SORCS1: variants seen among roughly 807,000 people sequenced by gnomAD.
The protein encoded by SORCS1 is VPS10 domain-containing receptor SorCS1.
SORCS1 carries 60 observed loss-of-function variants against 146.1 expected under a neutral mutation model. That is an observed-to-expected ratio of 0.41 (90% CI 0.33 to 0.51). SORCS1 has a LOEUF of 0.51. Ranked by LOEUF, SORCS1 falls within the 20% of genes least tolerant of loss-of-function variation. The pLI, the probability that SORCS1 is intolerant of heterozygous loss-of-function variation, is 0.21. For synonymous variants in SORCS1, 637 were observed against 584.0 expected, an observed-to-expected ratio of 1.09 and a Z score of -1.31; for missense variants, 1,352 against 1,487.6, an observed-to-expected ratio of 0.91 and a Z score of 1.50.
At chr10:106,945,072 G>A (rs983406368) in intron 2 of SORCS1, among the ~76,000 whole-genome samples, 1 of 151,618 alleles carries the variant, frequency 6.6e-6, no homozygotes, top group East Asian at 1.9e-4. Flanking sequence ...ATTTTTAGTA[G>A]AGACAAGGTT....
At chr10:106,990,561 C>A (rs1233584008) in intron 1 of SORCS1, among the ~76,000 whole-genome samples, 1 of 152,236 alleles carries the variant, frequency 6.6e-6, no homozygotes, top group Non-Finnish European at 1.5e-5. Context: ...TGAGCCACCA[C>A]ACCCAGCCAA....
chr10:106,866,244 C>A (rs1950218129), intron 2 of SORCS1, among the ~76,000 whole-genome samples: 3 of 152,038 alleles, frequency 2.0e-5, no homozygotes, highest in Admixed American at 2.0e-4. Context: ...ACCCTAAGTG[C>A]CTTATCCACA....
intron 1 of SORCS1, among the ~76,000 whole-genome samples, chr10:107,132,020 A>C (rs1238400006): frequency 6.6e-6 from 1 of 152,248 alleles, no homozygotes; most frequent in African/African-American, 2.4e-5. Flanking sequence ...GAAAGTAGCA[A>C]AGTAAAACCT....
chr10:106,735,088 G>A (rs886126837), intron 5 of SORCS1, among the ~76,000 whole-genome samples: 2 of 150,726 alleles, frequency 1.3e-5, no homozygotes, highest in African/African-American at 2.4e-5. Context: ...GGAGGTTGCA[G>A]TGAGCCGAGA....
chr10:107,106,755 G>A (rs550658757), intron 1 of SORCS1, among the ~76,000 whole-genome samples: 39 of 152,064 alleles, frequency 2.6e-4, no homozygotes, highest in Non-Finnish European at 4.4e-4. Context: ...CTTATACCTG[G>A]CATGATGGTG....
rs1589458329 is a variant in SORCS1 at position 106,607,405 on chromosome 10, G to A, written c.3034-108C>T. 2.1e-6 allele frequency: 3 copies of A among 1,440,696 alleles called. No homozygotes were observed. The East Asian group carries it at 7.3e-5, about 35-fold the overall frequency. The allele number at this position is 1,440,696 out of a possible 1,614,324, so 89.2% of individuals were successfully genotyped here. On this transcript the variant is annotated intron_variant, in intron 22 of 25. Coordinates refer to ENST00000263054, the MANE Select transcript of SORCS1 (RefSeq NM_052918.5). Reference sequence around the variant, plus strand: ...GGGTAGGCAGAAGACACCACAAGGGGCCTGAAAGCAGAGGCCTGGGCATAT... The same window carrying A: ...GGGTAGGCAGAAGACACCACAAGGGACCTGAAAGCAGAGGCCTGGGCATAT...
intron 1 of SORCS1, among the ~76,000 whole-genome samples, chr10:107,148,738 C>T (rs535899373): frequency 6.6e-6 from 1 of 152,224 alleles, no homozygotes; most frequent in African/African-American, 2.4e-5. Context: ...TTCCCTTCTC[C>T]CTGCCCTAAG....
At chr10:107,159,289 T>A (rs1480443134) in intron 1 of SORCS1, among the ~76,000 whole-genome samples, 1 of 152,220 alleles carries the variant, frequency 6.6e-6, no homozygotes, top group Non-Finnish European at 1.5e-5. Context: ...CTTTACTTAG[T>A]AAATGCAGCA....
chr10:106,872,337 T>A (rs1950443200), intron 2 of SORCS1, among the ~76,000 whole-genome samples: 1 of 152,192 alleles, frequency 6.6e-6, no homozygotes, highest in Non-Finnish European at 1.5e-5. Context: ...GCTCAGGATA[T>A]CTGACTTATG....
intron 1 of SORCS1, among the ~76,000 whole-genome samples, chr10:106,977,167 C>T (rs1397757230): frequency 3.9e-4 from 59 of 152,146 alleles, no homozygotes; most frequent in Non-Finnish European, 1.6e-4. Context: ...AGTATAAAAG[C>T]GTTCCTATTT....
At chr10:106,899,594 T>C (rs957179218) in intron 2 of SORCS1, among the ~76,000 whole-genome samples, 4 of 149,746 alleles carry the variant, frequency 2.7e-5, no homozygotes, top group Admixed American at 2.7e-4. Flanking sequence ...ACCAGGGCTT[T>C]TTTTTTTTTT....
intron 2 of SORCS1, among the ~76,000 whole-genome samples, chr10:106,937,346 T>C (rs1953787020): frequency 6.6e-6 from 1 of 151,778 alleles, no homozygotes. Context: ...ATTTTTTTTT[T>C]TTTTGTATTT....
intron 18 of SORCS1, among the ~76,000 whole-genome samples, chr10:106,630,338 T>A (rs1052584226): frequency 6.6e-6 from 1 of 152,170 alleles, no homozygotes; most frequent in Non-Finnish European, 1.5e-5. Context: ...ATTCTTAGTC[T>A]AGTCTGGAGA....
At chr10:106,888,089 A>T (rs1951074593) in intron 2 of SORCS1, among the ~76,000 whole-genome samples, 1 of 152,230 alleles carries the variant, frequency 6.6e-6, no homozygotes, top group Admixed American at 6.5e-5. Flanking sequence ...TGTCATACGG[A>T]TAAGTGAAAT....
intron 1 of SORCS1, among the ~76,000 whole-genome samples, chr10:107,094,415 A>G (rs1273933276): frequency 5.3e-5 from 8 of 152,342 alleles, no homozygotes; most frequent in Admixed American, 1.3e-4. Flanking sequence ...TACTGAAATC[A>G]TATTTCTGTT....
intron 6 of SORCS1, among the ~76,000 whole-genome samples, chr10:106,714,295 T>G (rs375453727): frequency 1.6e-4 from 24 of 151,952 alleles, no homozygotes; most frequent in African/African-American, 5.6e-4. Context: ...GAAAACATAA[T>G]GGCCAACAAT....
At chr10:107,119,901 T>C (rs1966288053) in intron 1 of SORCS1, among the ~76,000 whole-genome samples, 1 of 152,164 alleles carries the variant, frequency 6.6e-6, no homozygotes. Flanking sequence ...TGAGAGTCTC[T>C]ATCTATGGAA....
At chr10:106,908,310 G>T (rs184112760) in intron 2 of SORCS1, among the ~76,000 whole-genome samples, 84 of 152,272 alleles carry the variant, frequency 5.5e-4, no homozygotes, top group Non-Finnish European at 6.2e-4. Flanking sequence ...TTAAATACGG[G>T]TTAGGAGTTT....
chr10:107,025,052 C>G (rs552782376), intron 1 of SORCS1, among the ~76,000 whole-genome samples: 8 of 152,232 alleles, frequency 5.3e-5, no homozygotes, highest in African/African-American at 1.9e-4. Context: ...ATGTGAAACA[C>G]AGTGTGTTAC....
Sources: allele counts gnomAD v4.1 joint callset (sites outside exome capture counted in the v4.1 genomes callset), GRCh38; gene constraint gnomAD v4.1.1; transcripts MANE v1.5; gene names NCBI Gene and HGNC (gene_info 2026-07-23, HGNC 2026-07-21).